Variants in PCDHA2 observed in about 807,000 individuals in gnomAD.
The protein encoded by PCDHA2 is protocadherin alpha-2.
Under a neutral mutation model 66.0 loss-of-function variants are expected in PCDHA2, and 58 were observed. That is an observed-to-expected ratio of 0.88 (90% CI 0.71 to 1.09). PCDHA2 has a LOEUF of 1.09. PCDHA2 is among the 50% of genes least tolerant of loss of function. PCDHA2 has a pLI of 0.00. For synonymous variants in PCDHA2, 634 were observed against 554.0 expected, an observed-to-expected ratio of 1.14 and a Z score of -2.03; for missense variants, 1,267 against 1,242.3, an observed-to-expected ratio of 1.02 and a Z score of -0.30.
At chr5:140,929,321 C>A (rs1554206981) in intron 1 of PCDHA2, 1 of 1,541,174 alleles carries the variant, frequency 6.5e-7, no homozygotes, top group Non-Finnish European at 8.8e-7. Flanking sequence ...AATGTCAATG[C>A]CATGGTAAGC....
At chr5:140,944,543 G>C (rs2093667961) in intron 1 of PCDHA2, among the ~76,000 whole-genome samples, 1 of 152,142 alleles carries the variant, frequency 6.6e-6, no homozygotes, top group South Asian at 2.1e-4. Context: ...AGTATTTAAA[G>C]ATCATAGTTT....
chr5:141,001,842 A>G (rs574186951), intron 3 of PCDHA2, among the ~76,000 whole-genome samples: 108 of 152,288 alleles, frequency 7.1e-4, no homozygotes, highest in Non-Finnish European at 1.3e-3. Context: ...GGAGACAGAG[A>G]GAGAGGTTGA....
At position 140,841,334 on chromosome 5, in the gene PCDHA2, T is replaced by C. The variant is rs2150313767; in HGVS notation, c.2388+43982T>C. The C allele has an allele frequency of 4.1e-5, 65 of 1,588,822 alleles. No homozygotes were observed. The African/African-American group carries it at 7.9e-4, about 19-fold the overall frequency. ...ACGACTATTTAACATGGATTATCAC[T>C]GGCGAGGAGAGCTGGGATCCTGGCG... On this transcript the variant is annotated intron_variant, in intron 1 of 3. Coordinates refer to ENST00000526136, the MANE Select transcript of PCDHA2 (RefSeq NM_018905.3).
intron 1 of PCDHA2, among the ~76,000 whole-genome samples, chr5:140,965,887 T>C (rs1357808186): frequency 6.6e-6 from 1 of 152,214 alleles, no homozygotes; most frequent in Non-Finnish European, 1.5e-5. Context: ...GAGAGCAGAA[T>C]TGAGTCTTGG....
rs868923213 is a variant in PCDHA2 at position 140,920,059 on chromosome 5, G to C, written c.2389-58890G>C. 3.9e-5 allele frequency among the ~76,000 whole-genome samples: 6 copies of C among 152,144 alleles called. No individual in the cohort carries two copies. The South Asian group carries it at 6.2e-4, about 16-fold the overall frequency. The stretch of plus-strand genomic sequence containing the variant: ...GTGATGTCAACAGCCACCAACACCT[G>C]GAAAAGGCAGAAACAGATTCTCCGT... On this transcript the variant is annotated intron_variant, in intron 1 of 3. Transcript: ENST00000526136.
At chr5:141,004,258 A>C (rs1164603441) in intron 3 of PCDHA2, among the ~76,000 whole-genome samples, 1 of 152,232 alleles carries the variant, frequency 6.6e-6, no homozygotes, top group Non-Finnish European at 1.5e-5. Flanking sequence ...TTTTACTGGA[A>C]TGAGTCACAG....
chr5:140,808,288 A>G, intron 1 of PCDHA2: 7 of 1,614,274 alleles, frequency 4.3e-6, no homozygotes, highest in Non-Finnish European at 5.9e-6. Context: ...CACTGGGTAC[A>G]GTCATCGCCC....
chr5:140,856,877 A>G, intron 1 of PCDHA2: 1 of 1,595,914 alleles, frequency 6.3e-7, no homozygotes, highest in Non-Finnish European at 8.6e-7. Flanking sequence ...CAAGGAAATG[A>G]TGTATTCATT....
rs976643195 is a variant in PCDHA2 at position 141,010,391 on chromosome 5, C to A, written c.*454C>A. On this transcript the variant is annotated 3_prime_UTR_variant, in exon 4 of 4. Transcript: ENST00000526136. ...TGCGAGTGCCAGATATTGGCTGAGACGAGCCAGCTTAGACTAATTGGTACA... is the reference window on the plus strand; with the variant it reads ...TGCGAGTGCCAGATATTGGCTGAGAAGAGCCAGCTTAGACTAATTGGTACA... The A allele has an allele frequency of 2.2e-6, 3 of 1,386,760 alleles. No homozygotes were observed. Among genetic ancestry groups the A allele is most frequent in the Non-Finnish European group, 2.9e-6 (3 of 1,041,298 alleles). The allele number at this position is 1,386,760 out of a possible 1,614,324, so 85.9% of individuals were successfully genotyped here.
rs782637341 is a variant in PCDHA2, at chr5:141,010,225, C to A, written c.*288C>A. Reference sequence around the variant, plus strand: ...CCGCCGCAAAGGAGAGGCTTCCCAGCCCCGCCAGTGAGAGGTTGGACTCTC... The same window carrying A: ...CCGCCGCAAAGGAGAGGCTTCCCAGACCCGCCAGTGAGAGGTTGGACTCTC... On this transcript the variant is annotated 3_prime_UTR_variant, in exon 4 of 4. Transcript: ENST00000526136. 11 of 1,551,730 alleles carry A rather than the reference C, an allele frequency of 7.1e-6. No homozygotes were observed. The highest frequency in any genetic ancestry group is 8.7e-6 in the Non-Finnish European group (10 of 1,147,034).
intron 3 of PCDHA2, among the ~76,000 whole-genome samples, chr5:140,984,328 G>A (rs1221209076): frequency 3.3e-5 from 5 of 152,156 alleles, no homozygotes; most frequent in African/African-American, 1.2e-4. Context: ...GGCAAATGTG[G>A]AATAGGAACC....
chr5:140,801,447 T>C (rs180779710), intron 1 of PCDHA2: 1 of 1,613,954 alleles, frequency 6.2e-7, no homozygotes, highest in Non-Finnish European at 8.5e-7. Context: ...GAATGGCATT[T>C]TGTTTGTGAA....
At chr5:140,984,030 A>T (rs900763001) in intron 3 of PCDHA2, among the ~76,000 whole-genome samples, 17 of 152,330 alleles carry the variant, frequency 1.1e-4, no homozygotes, top group African/African-American at 3.6e-4. Context: ...AAGGGGAAAA[A>T]CATAAAATAG....
intron 1 of PCDHA2, chr5:140,857,025 A>G: frequency 6.3e-7 from 1 of 1,596,330 alleles, no homozygotes; most frequent in Non-Finnish European, 8.6e-7. Flanking sequence ...GATAAGGGAA[A>G]CCCACCTATG....
chr5:140,855,917 G>A, intron 1 of PCDHA2: 1 of 1,202,824 alleles, frequency 8.3e-7, no homozygotes, highest in South Asian at 1.6e-5. Flanking sequence ...TCAAGGACTA[G>A]GAAGTAGCGT....
rs2150235080 is a variant in PCDHA2, at chr5:140,835,409, T to C, written c.2388+38057T>C. The C allele has an allele frequency of 2.5e-6, 4 of 1,613,874 alleles. No individual in the cohort carries two copies. In the East Asian group the frequency reaches 8.9e-5, roughly 36 times the overall value. On this transcript the variant is annotated intron_variant, in intron 1 of 3. Coordinates refer to ENST00000526136, the MANE Select transcript of PCDHA2 (RefSeq NM_018905.3). ...GTACAGTTCTTGTGGAAGTTGTGGA[T>C]GTAAATGACAATGCTCCACAGTTGA...
rs374222606 is a variant in PCDHA2 at position 140,795,849 on chromosome 5, A to G, written c.885A>G (p.Ile295Met). 10 of 1,613,878 alleles carry G rather than the reference A, an allele frequency of 6.2e-6. No homozygotes were observed. The highest frequency in any genetic ancestry group is 8.5e-6 in the Non-Finnish European group (10 of 1,179,986). The change falls in exon 1 of 4, where the codon ATA becomes ATG. Residue 295 changes from isoleucine (I) to methionine (M), a missense_variant. Ile to Met is a conservative substitution (Grantham distance 10). Transcript: ENST00000526136. ...VSSTIQTKFT[I>M]DPISGEIRTK... ...CCACTATACAGACTAAGTTTACCAT[A>G]GATCCCATCTCAGGGGAAATCAGAA...
Position 140,801,412 on chromosome 5 carries a change from G to A in PCDHA2, c.2388+4060G>A, listed in dbSNP as rs149543626. ...TTCCGGGTGGCGTCCAAAAGACACG[G>A]GGACCTTCTGGAGGTAAATCTGCAG... On this transcript the variant is annotated intron_variant, in intron 1 of 3. Coordinates refer to ENST00000526136, the MANE Select transcript of PCDHA2 (RefSeq NM_018905.3). 1.3e-5 allele frequency: 21 copies of A among 1,613,802 alleles called. No homozygotes were observed. The African/African-American group carries it at 2.8e-4, about 22-fold the overall frequency.
chr5:140,967,636 T>G, intron 1 of PCDHA2: 2 of 1,614,138 alleles, frequency 1.2e-6, no homozygotes, highest in Non-Finnish European at 1.7e-6. Context: ...GCTCCAATGG[T>G]GAGCTCAGGT....
Sources: allele counts gnomAD v4.1 joint callset (sites outside exome capture counted in the v4.1 genomes callset), GRCh38; gene constraint gnomAD v4.1.1; transcripts MANE v1.5; gene names NCBI Gene and HGNC (gene_info 2026-07-23, HGNC 2026-07-21).